ASH1L: variants seen among roughly 807,000 people sequenced by gnomAD.
ASH1L encodes ASH1 like histone lysine methyltransferase.
In ASH1L, 23 loss-of-function variants were observed where a neutral mutation model predicts 269.0. The ratio of observed to expected loss-of-function variants is 0.09; its 90% CI spans 0.06 to 0.12. ASH1L has a LOEUF of 0.12. Ranked by LOEUF, ASH1L falls within the 10% of genes least tolerant of loss-of-function variation. The pLI is 1.00. For synonymous variants in ASH1L, 1,187 were observed against 1,253.5 expected (o/e 0.95, Z 1.12); for missense variants, 2,912 against 3,567.8 (o/e 0.82, Z 4.68).
At chr1:155,357,506 G>A in intron 14 of ASH1L, 79 bp downstream of exon 14, 1 of 1,597,150 alleles carries the variant, frequency 6.3e-7, no homozygotes, top group East Asian at 2.2e-5. Flanking sequence ...GCCACCCTCT[G>A]GTAATTCCCT....
intron 3 of ASH1L, among the ~76,000 whole-genome samples, 187 bp downstream of exon 3, chr1:155,477,699 C>CA (rs1439217051): frequency 2.0e-5 from 3 of 151,062 alleles, no homozygotes; most frequent in East Asian, 3.9e-4. Context: ...CTTCTCAAAA[C>CA]AAAAAAATAA....
At chr1:155,541,686 T>TAA (rs1359660671) in intron 1 of ASH1L, among the ~76,000 whole-genome samples, 1 of 152,186 alleles carries the variant, frequency 6.6e-6, no homozygotes, top group Non-Finnish European at 1.5e-5. Context: ...GTTTCATATT[T>TAA]ATGTACTCTA....
chr1:155,482,845 T>A lies in ASH1L; in HGVS notation c.421-396A>T, dbSNP rs891028176. Among the ~76,000 whole-genome samples the A allele has an allele frequency of 5.3e-5, 8 of 152,172 alleles. 1 individual carries two copies. Among genetic ancestry groups the A allele is most frequent in the African/African-American group, 1.9e-4 (8 of 41,440 alleles). ...TTTTAGTTACAGTATCCTATGGTCG[T>A]CATCTAAAATAATAGTTTACTGCCT... On this transcript the variant is annotated intron_variant, in intron 2 of 27. Transcript: ENST00000392403.
chr1:155,465,289 C>CAAAAAAAAAAAAAAAAAAAAAAAAAAG (rs1171228344), intron 3 of ASH1L, among the ~76,000 whole-genome samples: 1 of 62,576 alleles, frequency 1.6e-5, no homozygotes, highest in Non-Finnish European at 3.1e-5. Flanking sequence ...TACAAATTAG[C>CAAAAAAAAAAAAAAAAAAAAAAAAAAG]AAAAAAAAAA....
intron 1 of ASH1L, among the ~76,000 whole-genome samples, chr1:155,522,684 GA>G (rs1335916921): frequency 6.7e-6 from 1 of 150,014 alleles, no homozygotes; most frequent in African/African-American, 2.5e-5. Context: ...GGAGATTAGT[GA>G]ATTTTTTTTT....
At chr1:155,520,657 G>A (rs1668821818) in intron 2 of ASH1L, among the ~76,000 whole-genome samples, 1 of 151,964 alleles carries the variant, frequency 6.6e-6, no homozygotes, top group Non-Finnish European at 1.5e-5. Flanking sequence ...GAGGTCAGGA[G>A]TTTGAGACCA....
At chr1:155,556,401 C>CGT (rs71080711) in intron 1 of ASH1L, among the ~76,000 whole-genome samples, 1,632 of 140,538 alleles carry the variant, frequency 0.012, 15 homozygotes, top group African/African-American at 0.025. Context: ...CATATATATA[C>CGT]GTGTGTGTGT....
chr1:155,556,008 T>G (rs986201233), intron 1 of ASH1L, among the ~76,000 whole-genome samples: 3 of 152,234 alleles, frequency 2.0e-5, no homozygotes, highest in Non-Finnish European at 4.4e-5. Flanking sequence ...TGTTGATAAC[T>G]GCTGAAGCTG....
At chr1:155,465,414 C>T (rs930663462) in intron 3 of ASH1L, among the ~76,000 whole-genome samples, 2 of 149,104 alleles carry the variant, frequency 1.3e-5, no homozygotes, top group Non-Finnish European at 3.0e-5. Flanking sequence ...ATTTTAGTCA[C>T]ACTCTGGAGA....
At chr1:155,418,543 T>C (rs1481095855) in intron 5 of ASH1L, among the ~76,000 whole-genome samples, 5 of 152,008 alleles carry the variant, frequency 3.3e-5, no homozygotes, top group African/African-American at 7.2e-5. Flanking sequence ...ACTAAAACAA[T>C]TGGACACTTG....
intron 3 of ASH1L, among the ~76,000 whole-genome samples, chr1:155,476,515 G>A (rs768458458): frequency 6.6e-6 from 1 of 151,976 alleles, no homozygotes; most frequent in African/African-American, 2.4e-5. Context: ...TTGTATTCGA[G>A]GGGTTTATCT....
chr1:155,472,407 C>T (rs1665172099), intron 3 of ASH1L, among the ~76,000 whole-genome samples: 1 of 152,196 alleles, frequency 6.6e-6, no homozygotes, highest in Non-Finnish European at 1.5e-5. Flanking sequence ...AGGTTCACAT[C>T]CACCATTTTC....
At chr1:155,551,456 C>A (rs1237225827) in intron 1 of ASH1L, among the ~76,000 whole-genome samples, 1 of 148,492 alleles carries the variant, frequency 6.7e-6, no homozygotes, top group Admixed American at 6.7e-5. Context: ...GTCAGGAGAT[C>A]GAGACCATCC....
At chr1:155,420,242 T>C (rs1463875962) in intron 5 of ASH1L, among the ~76,000 whole-genome samples, 1 of 151,388 alleles carries the variant, frequency 6.6e-6, no homozygotes, top group East Asian at 1.9e-4. Context: ...GGAGAATCGC[T>C]TGAACCCAGG....
At chr1:155,563,016 G>A (rs1254069072), upstream of ASH1L, 2 of 458,474 alleles carry the variant, frequency 4.4e-6, no homozygotes, top group South Asian at 1.5e-5. Flanking sequence ...AGCGGGTCGG[G>A]GCTTGCCGTT....
At chr1:155,446,240 C>A (rs976366730) in intron 4 of ASH1L, among the ~76,000 whole-genome samples, 1 of 150,570 alleles carries the variant, frequency 6.6e-6, no homozygotes, top group Non-Finnish European at 1.5e-5. Flanking sequence ...ATCGTTAAGA[C>A]TTTAATGGCT....
rs777719270 is a variant in ASH1L, at chr1:155,338,169, G to A, written c.8723C>T (p.Pro2908Leu). 1 of 1,613,960 alleles carries A rather than the reference G, an allele frequency of 6.2e-7. No individual in the cohort carries two copies. The highest frequency in any genetic ancestry group is 1.7e-5 in the Admixed American group (1 of 59,984). The change falls in exon 27 of 28, where the codon CCT becomes CTT. Residue 2908 changes from proline to leucine, a missense_variant. Coordinates refer to ENST00000392403, the MANE Select transcript of ASH1L (RefSeq NM_018489.3). ...CCGTTGGTTATGCCGTCGTTCCTCA[G>A]GGGTACAGGTTGACTGGGGTTCTTG... Reference protein sequence around the residue: ...SSQEPQSTCTPEERRHNQRER... With the variant: ...SSQEPQSTCTLEERRHNQRER...
intron 5 of ASH1L, among the ~76,000 whole-genome samples, chr1:155,431,182 G>T (rs1209583220): frequency 1.3e-5 from 2 of 151,724 alleles, no homozygotes; most frequent in Non-Finnish European, 2.9e-5. Flanking sequence ...TCCAGCCTGG[G>T]CAACAGAGCA....
intron 3 of ASH1L, 96 bp downstream of exon 3, chr1:155,477,790 G>A: frequency 8.2e-6 from 10 of 1,212,810 alleles, no homozygotes; most frequent in Non-Finnish European, 1.1e-5. Flanking sequence ...AACAAAAAAA[G>A]ATATATATAT....
Sources: gnomAD v4.1 joint callset for allele counts (sites outside exome capture counted in the v4.1 genomes callset) on GRCh38, gnomAD v4.1.1 for gene constraint, MANE v1.5 for transcripts, NCBI Gene and HGNC (gene_info 2026-07-23, HGNC 2026-07-21) for gene names.